Variants in TLN2 observed in about 807,000 individuals in gnomAD.
The protein encoded by TLN2 is talin-2.
In TLN2, 118 loss-of-function variants were observed where a neutral mutation model predicts 294.7. That is an observed-to-expected ratio of 0.40 (90% CI 0.34 to 0.47). TLN2 has a LOEUF of 0.47. TLN2 is among the 20% of genes least tolerant of loss of function. The pLI is 0.84. For missense variants in TLN2, 3,083 were observed against 3,282.2 expected, an observed-to-expected ratio of 0.94 and a Z score of 1.48; for synonymous variants, 1,431 against 1,304.5, an observed-to-expected ratio of 1.10 and a Z score of -2.09.
chr15:62,528,462 G>T (rs2040855074), intron 1 of TLN2, among the ~76,000 whole-genome samples: 2 of 152,196 alleles, frequency 1.3e-5, no homozygotes, highest in South Asian at 4.2e-4. Context: ...TTGTATCCTG[G>T]CTTGGGCATG....
intron 36 of TLN2, chr15:62,754,186 T>G (rs750449125): frequency 9.2e-6 from 3 of 327,258 alleles, no homozygotes; most frequent in Non-Finnish European, 1.6e-5. Flanking sequence ...TTCATTCATT[T>G]CAGGGGACGT....
intron 1 of TLN2, among the ~76,000 whole-genome samples, chr15:62,493,009 T>C (rs1222990099): frequency 6.6e-6 from 1 of 152,186 alleles, no homozygotes; most frequent in Non-Finnish European, 1.5e-5. Flanking sequence ...GTGGAAATAT[T>C]GGAGGGATTG....
chr15:62,591,458 A>T (rs184535599), intron 2 of TLN2, among the ~76,000 whole-genome samples: 97 of 152,280 alleles, frequency 6.4e-4, no homozygotes, highest in African/African-American at 2.2e-3. Flanking sequence ...GTCAAACTAG[A>T]GAGGTCAGAG....
At chr15:62,440,221 C>A (rs1352121273) in intron 1 of TLN2, among the ~76,000 whole-genome samples, 10 of 152,196 alleles carry the variant, frequency 6.6e-5, no homozygotes, top group Admixed American at 5.9e-4. Flanking sequence ...GAACTTGATT[C>A]TTTCTGCCTC....
chr15:62,438,674 A>G (rs1163361764), intron 1 of TLN2, among the ~76,000 whole-genome samples: 1 of 152,234 alleles, frequency 6.6e-6, no homozygotes, highest in African/African-American at 2.4e-5. Context: ...GCACAAGGCT[A>G]CTGAGACCAT....
chr15:62,567,605 C>T (rs1027197225), intron 1 of TLN2, among the ~76,000 whole-genome samples: 3 of 151,960 alleles, frequency 2.0e-5, no homozygotes, highest in African/African-American at 7.2e-5. Flanking sequence ...GAGGCCAAGG[C>T]GGGTGGATCA....
rs546656904 is a variant in TLN2, at chr15:62,429,213, G to A, written c.-238+38528G>A. 4.6e-5 allele frequency among the ~76,000 whole-genome samples: 7 copies of A among 152,130 alleles called. No homozygotes were observed. In the South Asian group the frequency reaches 1.0e-3, roughly 23 times the overall value. ...ATGGTACTGTTTCAGGAAGGAGGAGGAGAAGATGCCTGGTAGCAAACTGAG... is the reference window on the plus strand; with the variant it reads ...ATGGTACTGTTTCAGGAAGGAGGAGAAGAAGATGCCTGGTAGCAAACTGAG... On this transcript the variant is annotated intron_variant, in intron 1 of 58. Coordinates refer to ENST00000636159, the MANE Select transcript of TLN2 (RefSeq NM_015059.3).
chr15:62,682,510 CGG>C (rs1362061188), intron 11 of TLN2, among the ~76,000 whole-genome samples: 2 of 152,116 alleles, frequency 1.3e-5, no homozygotes, highest in Non-Finnish European at 2.9e-5. Context: ...GTTTGGATCC[CGG>C]CTTTGCCACT....
chr15:62,838,906 C>T lies in TLN2; in HGVS notation c.7425C>T (p.Ala2475=). 1 of 1,611,984 alleles carries T rather than the reference C, an allele frequency of 6.2e-7. No individual in the cohort carries two copies. The highest frequency in any genetic ancestry group is 8.5e-7 in the Non-Finnish European group (1 of 1,180,010). ...KRASDNLVRA[A]QKAAFGKADD... ...CCTCAGACAATCTTGTCCGTGCAGC[C>T]CAGAAGGCAGCTTTTGGCAAAGCTG... The change falls in exon 58 of 59, where the codon GCC becomes GCT. Residue 2475 remains alanine (A), a synonymous_variant. Coordinates refer to ENST00000636159, the MANE Select transcript of TLN2 (RefSeq NM_015059.3).
chr15:62,628,985 C>T (rs1412940889), intron 3 of TLN2, among the ~76,000 whole-genome samples: 1 of 152,066 alleles, frequency 6.6e-6, no homozygotes, highest in Non-Finnish European at 1.5e-5. Context: ...TTGCTTGAGC[C>T]CAGGAGTTTG....
chr15:62,647,170 T>G, intron 3 of TLN2, 105 bp from the exon 4 acceptor site: 1 of 1,095,152 alleles, frequency 9.1e-7, no homozygotes, highest in Admixed American at 2.7e-5. Context: ...TTATTCTCTT[T>G]CCATGTTTAA....
chr15:62,560,861 G>A (rs2042902469), intron 1 of TLN2, among the ~76,000 whole-genome samples: 1 of 152,238 alleles, frequency 6.6e-6, no homozygotes, highest in African/African-American at 2.4e-5. Context: ...CTCATCGAGT[G>A]TGCAGAACTG....
intron 52 of TLN2, 53 bp downstream of exon 52, chr15:62,810,085 C>T (rs908044342): frequency 6.9e-6 from 10 of 1,442,136 alleles, no homozygotes; most frequent in Non-Finnish European, 7.8e-6. Flanking sequence ...CTCTAGCTGT[C>T]CTGGCTGATT....
intron 57 of TLN2, among the ~76,000 whole-genome samples, chr15:62,837,894 T>C (rs1383946875): frequency 6.6e-6 from 1 of 152,196 alleles, no homozygotes; most frequent in Non-Finnish European, 1.5e-5. Context: ...CTCTCAACTT[T>C]CTGATGGCGA....
chr15:62,796,327 G>C, intron 47 of TLN2, 34 bp downstream of exon 47: 1 of 1,586,322 alleles, frequency 6.3e-7, no homozygotes, highest in Non-Finnish European at 8.6e-7. Context: ...AGAGGTTCAG[G>C]CTGGCCTGCC....
rs1486408375 is a variant in TLN2 at position 62,755,666 on chromosome 15, C to T, written c.4611C>T (p.Ser1537=). The change falls in exon 37 of 59, where the codon AGC becomes AGT. Residue 1537 remains serine (S), a synonymous_variant. Coordinates refer to ENST00000636159, the MANE Select transcript of TLN2 (RefSeq NM_015059.3). ...FVQSAKEVAN[S]TANLVKTIKA... ...AGTCAGCCAAGGAAGTCGCCAACAG[C>T]ACTGCCAACCTGGTGAAGACCATCA... The T allele has an allele frequency of 2.5e-6, 4 of 1,614,266 alleles. No homozygotes were observed. The highest frequency in any genetic ancestry group is 3.4e-6 in the Non-Finnish European group (4 of 1,180,046).
At chr15:62,802,979 G>A (rs2066035608) in intron 50 of TLN2, among the ~76,000 whole-genome samples, 1 of 152,076 alleles carries the variant, frequency 6.6e-6, no homozygotes, top group African/African-American at 2.4e-5. Context: ...TTAACCCCTT[G>A]TCAGATATGT....
chr15:62,463,256 G>T (rs78285323), intron 1 of TLN2, among the ~76,000 whole-genome samples: 4 of 152,178 alleles, frequency 2.6e-5, no homozygotes, highest in African/African-American at 9.6e-5. Context: ...CTGACCGTCC[G>T]CCCACCTCTG....
chr15:62,759,542 T>C (rs1223906885), intron 37 of TLN2, among the ~76,000 whole-genome samples: 1 of 152,228 alleles, frequency 6.6e-6, no homozygotes, highest in African/African-American at 2.4e-5. Context: ...GTCATCTTTT[T>C]AGTCTGAAGA....
Sources: allele counts gnomAD v4.1 joint callset (sites outside exome capture counted in the v4.1 genomes callset), GRCh38; gene constraint gnomAD v4.1.1; transcripts MANE v1.5; gene names NCBI Gene and HGNC (gene_info 2026-07-23, HGNC 2026-07-21).